The following NECTIN2 variants were observed in gnomAD, a reference collection of about 807,000 sequenced individuals.
NECTIN2 encodes nectin-2.
A neutral mutation model predicts 56.9 loss-of-function variants in NECTIN2; 23 were observed. That is an observed-to-expected ratio of 0.40 (90% CI 0.29 to 0.57). The LOEUF (loss-of-function observed/expected upper bound fraction) is 0.57. Ranked by LOEUF, NECTIN2 falls within the 20% of genes least tolerant of loss-of-function variation. NECTIN2 has a pLI of 0.38. For synonymous variants in NECTIN2, 302 were observed against 313.8 expected (o/e 0.96, Z 0.40); for missense variants, 587 against 718.3 (o/e 0.82, Z 2.09).
At chr19:44,885,774 G>A (rs529046617) in intron 6 of NECTIN2, among the ~76,000 whole-genome samples, 163 bp from the exon 7 acceptor site, 1 of 152,296 alleles carries the variant, frequency 6.6e-6, no homozygotes, top group East Asian at 1.9e-4. Flanking sequence ...AGGCTTCCGG[G>A]AAAAAGAGGA....
In NECTIN2 at chr19:44,874,141, G is replaced by A. The variant is rs992247869; in HGVS notation, c.893+108G>A. The stretch of plus-strand genomic sequence containing the variant: ...TGGGGGCCTGGACTCCTGGATCTGA[G>A]GGAGGAGGGGCTGGGCCTAAATTCC... On this transcript the variant is annotated intron_variant, in intron 4 of 8. Coordinates refer to ENST00000252483, the MANE Select transcript of NECTIN2 (RefSeq NM_001042724.2). This position sits in a 1 kb window ranked among gnomAD's most constrained non-coding sequence, Gnocchi z 6.3. 5.7e-6 allele frequency: 7 copies of A among 1,218,830 alleles called. No individual in the cohort carries two copies. The highest frequency in any genetic ancestry group is 2.2e-5 in the Admixed American group (1 of 45,126). The allele number at this position is 1,218,830 out of a possible 1,614,324, so 75.5% of individuals were successfully genotyped here.
chr19:44,850,932 G>C (rs983284896), intron 1 of NECTIN2, among the ~76,000 whole-genome samples: 1 of 152,152 alleles, frequency 6.6e-6, no homozygotes, highest in Non-Finnish European at 1.5e-5. Flanking sequence ...GTGCTTTATA[G>C]ATCTGCGGGG....
Position 44,846,621 on chromosome 19 carries a change from G to A in NECTIN2, c.88+8G>A, listed in dbSNP as rs919966335. ...TGCTGCTCCTGGAAACCGGTGAGACGAGCGGACGGCCCCCTGCCCTCGCGC... is the reference window on the plus strand; with the variant it reads ...TGCTGCTCCTGGAAACCGGTGAGACAAGCGGACGGCCCCCTGCCCTCGCGC... On this transcript the variant is annotated splice_region_variant and intron_variant, in intron 1 of 8. Coordinates refer to ENST00000252483, the MANE Select transcript of NECTIN2 (RefSeq NM_001042724.2). 62 of 1,524,060 alleles carry A rather than the reference G, an allele frequency of 4.1e-5. No homozygotes were observed. The highest frequency in any genetic ancestry group is 5.4e-5 in the Non-Finnish European group (62 of 1,142,370). 94.4% of individuals were successfully genotyped at this position (1,524,060 alleles called of 1,614,324 possible).
chr19:44,855,280 C>A (rs1968952854), intron 1 of NECTIN2, among the ~76,000 whole-genome samples: 1 of 150,722 alleles, frequency 6.6e-6, no homozygotes. Flanking sequence ...AAAAAATTAG[C>A]AGAGCGTGGT....
rs879170096 is a variant in NECTIN2, at chr19:44,865,806, C to T, written c.478+146C>T. On this transcript the variant is annotated intron_variant, in intron 2 of 8. Transcript: ENST00000252483. This position sits in a 1 kb window ranked among gnomAD's most constrained non-coding sequence, Gnocchi z 5.2. ...TCCATCAGCAAATGTTCATTAAGCACCTACCGCGTGCCAGATGCTTTTCTG... is the reference window on the plus strand; with the variant it reads ...TCCATCAGCAAATGTTCATTAAGCATCTACCGCGTGCCAGATGCTTTTCTG... 2 of 978,948 alleles carry T rather than the reference C, an allele frequency of 2.0e-6. No individual in the cohort carries two copies. The highest frequency in any genetic ancestry group is 2.7e-5 in the East Asian group (1 of 37,410). The allele number at this position is 978,948 out of a possible 1,614,324, so 60.6% of individuals were successfully genotyped here.
In NECTIN2 at chr19:44,885,994, G is replaced by A. The variant is rs543228521; in HGVS notation, c.1254G>A (p.Gln418=). The A allele has an allele frequency of 1.9e-6, 3 of 1,602,332 alleles. No individual in the cohort carries two copies. The South Asian group carries it at 3.3e-5, about 18-fold the overall frequency. Residue 418 remains glutamine (Q), a synonymous_variant, in exon 7 of 9, where the codon CAG becomes CAA. Transcript: ENST00000252483. Reference sequence around the variant, plus strand: ...CCCCAAAAGCGAAGCTGGAGGCACAGGAGATGGTGAGCACTTTCCCTGGAG... The same window carrying A: ...CCCCAAAAGCGAAGCTGGAGGCACAAGAGATGGTGAGCACTTTCCCTGGAG... The part of the protein sequence containing the change: ...PPTPKAKLEA[Q]EMPSQLFTLG...
At position 44,871,842 on chromosome 19, in the gene NECTIN2, C is replaced by T; in HGVS notation, c.479-11C>T. The T allele has an allele frequency of 1.2e-6, 2 of 1,608,936 alleles. No individual in the cohort carries two copies. The highest frequency in any genetic ancestry group is 1.7e-6 in the Non-Finnish European group (2 of 1,175,824). On this transcript the variant is annotated splice_polypyrimidine_tract_variant and intron_variant, in intron 2 of 8. Transcript: ENST00000252483. ...TGAGGAGTGACGCACCCCCTCTCCT[C>T]CTCTCCCCAGCCAAGCCCAAGAACC...
At chr19:44,881,442 C>T (rs1012200709) in intron 5 of NECTIN2, among the ~76,000 whole-genome samples, 5 of 151,102 alleles carry the variant, frequency 3.3e-5, no homozygotes, top group South Asian at 2.1e-4. Flanking sequence ...GTTGGGAGGC[C>T]GAGGCGGGAG....
intron 5 of NECTIN2, among the ~76,000 whole-genome samples, chr19:44,881,112 G>T (rs992544532): frequency 6.6e-6 from 1 of 151,734 alleles, no homozygotes; most frequent in Non-Finnish European, 1.5e-5. Context: ...CTAGAGATGA[G>T]GTCTTGTGCT....
At position 44,888,093 on chromosome 19, in the gene NECTIN2, CCT is replaced by C. The variant is rs1599930477; in HGVS notation, c.1348-10_1348-9del. 6.2e-7 allele frequency: 1 copy of C among 1,605,424 alleles called. No individual in the cohort carries two copies. The highest frequency in any genetic ancestry group is 8.5e-7 in the Non-Finnish European group (1 of 1,173,538). Reference sequence around the variant, plus strand: ...GTAGGAAGTGATCTTGAGTTCCTGTCCTCTCTCTACCTCCAGGAAATGCCTCG... The same window carrying C: ...GTAGGAAGTGATCTTGAGTTCCTGTCCTCTCTACCTCCAGGAAATGCCTCG... On this transcript the variant is annotated splice_polypyrimidine_tract_variant and intron_variant, in intron 8 of 8. Transcript: ENST00000252483.
At chr19:44,863,450 C>G (rs1165520862) in intron 1 of NECTIN2, among the ~76,000 whole-genome samples, 1 of 152,076 alleles carries the variant, frequency 6.6e-6, no homozygotes, top group Non-Finnish European at 1.5e-5. Flanking sequence ...GAAAAATTAA[C>G]TGTTGGGTAC....
chr19:44,865,542 C>T lies in NECTIN2; in HGVS notation c.360C>T (p.Leu120=). ...QSTGQDTEAE[L]QDATLALHGL... ...CTGGGCAAGACACAGAGGCAGAGCT[C>T]CAGGACGCCACGCTGGCCCTCCACG... Residue 120 remains leucine (L), a synonymous_variant, in exon 2 of 9, where the codon CTC becomes CTT. Transcript: ENST00000252483. This position sits in a 1 kb window ranked among gnomAD's most constrained non-coding sequence, Gnocchi z 5.2. 6.3e-7 allele frequency: 1 copy of T among 1,575,048 alleles called. No individual in the cohort carries two copies. The highest frequency in any genetic ancestry group is 8.6e-7 in the Non-Finnish European group (1 of 1,161,588).
chr19:44,886,158 C>A lies in NECTIN2; in HGVS notation c.1286C>A (p.Ala429Asp). Residue 429 changes from alanine (A) to aspartate (D), a missense_variant, in exon 8 of 9, where the codon GCC becomes GAC. By Grantham distance (126) the Ala-to-Asp change is moderately radical. Coordinates refer to ENST00000252483, the MANE Select transcript of NECTIN2 (RefSeq NM_001042724.2). ...EMPSQLFTLG[A>D]SEHSPLKTPY... is the part of the protein sequence containing the mutation. ...CCCTCCCAGCTCTTCACTCTGGGGG[C>A]CTCGGAGCACAGCCCACTCAAGACC... 2 of 1,613,226 alleles carry A rather than the reference C, an allele frequency of 1.2e-6. No homozygotes were observed. The highest frequency in any genetic ancestry group is 1.7e-5 in the Admixed American group (1 of 60,022).
intron 2 of NECTIN2, among the ~76,000 whole-genome samples, chr19:44,869,643 C>G (rs1969149474): frequency 7.0e-6 from 1 of 142,004 alleles, no homozygotes; most frequent in Non-Finnish European, 1.5e-5. Flanking sequence ...AGGGTTTAAT[C>G]AAGCCCAAAG....
intron 1 of NECTIN2, among the ~76,000 whole-genome samples, chr19:44,854,978 C>T (rs7249933): frequency 0.18 from 26,609 of 146,860 alleles, 2,800 homozygotes; most frequent in African/African-American, 0.29. Flanking sequence ...ATTAGCCGGG[C>T]GTCGTGGCGG....
chr19:44,869,072 A>G (rs17561351), intron 2 of NECTIN2, among the ~76,000 whole-genome samples: 7,962 of 152,052 alleles, frequency 0.052, 225 homozygotes, highest in South Asian at 0.09. Flanking sequence ...TTCCCTTTCC[A>G]GTAACACATG....
At chr19:44,879,004 G>A (rs1969277388) in intron 5 of NECTIN2, 5 of 829,934 alleles carry the variant, frequency 6.0e-6, no homozygotes, top group Non-Finnish European at 5.9e-6. Context: ...GGTGGGACAG[G>A]GACTCCTAGG....
rs1157237285 is a variant in NECTIN2 at position 44,875,601 on chromosome 19, G to A, written c.1042+1123G>A. 1.3e-5 allele frequency among the ~76,000 whole-genome samples: 2 copies of A among 152,156 alleles called. No homozygotes were observed. The highest frequency in any genetic ancestry group is 2.9e-5 in the Non-Finnish European group (2 of 68,020). ...ATTCTTAGAAACACGCCAGGGCGAC[G>A]GTCCATGCAGCACACCTGTGCAAAC... is the stretch of plus-strand genomic sequence containing the variant. On this transcript the variant is annotated intron_variant, in intron 5 of 8. Transcript: ENST00000252483. This position sits in a 1 kb window ranked among gnomAD's most constrained non-coding sequence, Gnocchi z 4.2.
At chr19:44,872,269 C>T (rs750993946) in intron 3 of NECTIN2, 120 bp downstream of exon 3, 1 of 1,036,052 alleles carries the variant, frequency 9.7e-7, no homozygotes, top group South Asian at 1.6e-5. Context: ...AAATTCTGCA[C>T]TACCTTCCTG....
Sources: allele counts gnomAD v4.1 joint callset (sites outside exome capture counted in the v4.1 genomes callset), GRCh38; gene constraint gnomAD v4.1.1; non-coding constraint Gnocchi (gnomAD v3.1); transcripts MANE v1.5; gene names NCBI Gene and HGNC (gene_info 2026-07-23, HGNC 2026-07-21).